The following ATXN2 variants were observed in gnomAD, a reference collection of about 807,000 sequenced individuals.
ATXN2 encodes ataxin-2.
Under a neutral mutation model 138.6 loss-of-function variants are expected in ATXN2, and 37 were observed. That is an observed-to-expected ratio of 0.27 (90% CI 0.21 to 0.35). ATXN2 has a LOEUF of 0.35. Among genes scored for constraint, ATXN2 ranks in the 10% least tolerant of loss-of-function variants. The pLI is 1.00. For synonymous variants in ATXN2, 549 were observed against 543.7 expected, an observed-to-expected ratio of 1.01 and a Z score of -0.13; for missense variants, 1,216 against 1,480.3, an observed-to-expected ratio of 0.82 and a Z score of 2.93.
intron 5 of ATXN2, among the ~76,000 whole-genome samples, chr12:111,531,885 C>T (rs74451561): frequency 6.6e-6 from 1 of 151,966 alleles, no homozygotes; most frequent in Non-Finnish European, 1.5e-5. Context: ...TACTTAAATT[C>T]GTAAAATACA....
chr12:111,517,867 A>G (rs1309173487), intron 9 of ATXN2, among the ~76,000 whole-genome samples: 1 of 152,164 alleles, frequency 6.6e-6, no homozygotes, highest in Non-Finnish European at 1.5e-5. Context: ...TGTTGCACAT[A>G]GGTTAGAATT....
At chr12:111,582,077 T>C (rs1049097287) in intron 1 of ATXN2, among the ~76,000 whole-genome samples, 2 of 152,118 alleles carry the variant, frequency 1.3e-5, no homozygotes, top group African/African-American at 2.4e-5. Context: ...CTCATGGCCT[T>C]AATTTCAATA....
chr12:111,471,665 T>C (rs1334256420), intron 18 of ATXN2: 3 of 152,106 alleles, frequency 2.0e-5, no homozygotes, highest in African/African-American at 7.2e-5. Context: ...TTGGGAGAGC[T>C]AGTTACATAT....
At chr12:111,492,465 C>A (rs748348009) in intron 14 of ATXN2, among the ~76,000 whole-genome samples, 17 of 152,118 alleles carry the variant, frequency 1.1e-4, no homozygotes, top group Admixed American at 3.9e-4. Context: ...GGACAGATCA[C>A]GAGGTTAGGA....
chr12:111,515,636 A>G (rs920409162), intron 10 of ATXN2, among the ~76,000 whole-genome samples: 1 of 152,256 alleles, frequency 6.6e-6, no homozygotes, highest in African/African-American at 2.4e-5. Context: ...AGTTAAATTT[A>G]GAATTCTTCT....
intron 21 of ATXN2, among the ~76,000 whole-genome samples, chr12:111,460,727 TTTAAG>T (rs780251157): frequency 6.6e-6 from 1 of 152,264 alleles, no homozygotes; most frequent in African/African-American, 2.4e-5. Context: ...AATCTCATAA[TTTAAG>T]TTATTCATCA....
rs1565998399 is a variant in ATXN2 at position 111,453,422 on chromosome 12, G to A, written c.3439+255C>T. On this transcript the variant is annotated intron_variant, in intron 24 of 24. Coordinates refer to ENST00000673436, the MANE Select transcript of ATXN2 (RefSeq NM_001372574.1). This position sits in a 1 kb window ranked among gnomAD's most constrained non-coding sequence, Gnocchi z 5.4. The stretch of plus-strand genomic sequence containing the variant: ...CCAACTGAGTCCTAGGCATGCATCA[G>A]GCTGCTGTTGCTGCTGCTGCTGCTT... 26 of 1,239,870 alleles carry A rather than the reference G, an allele frequency of 2.1e-5. No homozygotes were observed. The highest frequency in any genetic ancestry group is 4.2e-5 in the Admixed American group (1 of 23,946). The allele number at this position is 1,239,870 out of a possible 1,614,324, so 76.8% of individuals were successfully genotyped here.
intron 5 of ATXN2, among the ~76,000 whole-genome samples, chr12:111,538,875 T>A (rs1881339001): frequency 6.7e-6 from 1 of 150,054 alleles, no homozygotes. Flanking sequence ...TACATCAAAT[T>A]CTACAGCAAA....
chr12:111,579,159 A>G (rs1394402215), intron 1 of ATXN2, among the ~76,000 whole-genome samples: 1 of 152,228 alleles, frequency 6.6e-6, no homozygotes, highest in African/African-American at 2.4e-5. Flanking sequence ...GGAAAAATAA[A>G]CACTTGCCAC....
chr12:111,570,223 ATCTACC>A (rs1263231340), intron 1 of ATXN2, among the ~76,000 whole-genome samples: 1 of 152,038 alleles, frequency 6.6e-6, no homozygotes. Context: ...TCTCCCAACG[ATCTACC>A]CGTTGCTCAT....
At chr12:111,553,409 C>G (rs769970000) in intron 3 of ATXN2, among the ~76,000 whole-genome samples, 1 of 151,670 alleles carries the variant, frequency 6.6e-6, no homozygotes, top group Non-Finnish European at 1.5e-5. Context: ...TTGCATATAA[C>G]TAAGCACATT....
chr12:111,457,130 C>A, intron 22 of ATXN2, 84 bp downstream of exon 22: 2 of 1,489,480 alleles, frequency 1.3e-6, no homozygotes, highest in Non-Finnish European at 1.8e-6. Context: ...TGTGTTCTGA[C>A]GATGCGATAC....
chr12:111,558,788 C>T (rs183335371), intron 1 of ATXN2, among the ~76,000 whole-genome samples: 1 of 152,022 alleles, frequency 6.6e-6, no homozygotes, highest in South Asian at 2.1e-4. Context: ...CAGAGCAAAA[C>T]CCTGTCTCAA....
chr12:111,528,237 A>C (rs1047857720), intron 5 of ATXN2, among the ~76,000 whole-genome samples: 3 of 152,226 alleles, frequency 2.0e-5, no homozygotes, highest in Non-Finnish European at 4.4e-5. Flanking sequence ...TTTTTATAGA[A>C]CCATATAAAC....
chr12:111,467,589 C>G (rs1876114731), intron 20 of ATXN2, among the ~76,000 whole-genome samples: 1 of 152,132 alleles, frequency 6.6e-6, no homozygotes, highest in Non-Finnish European at 1.5e-5. Flanking sequence ...GTGTAAACTG[C>G]AGGAGAGTAG....
chr12:111,460,070 C>T (rs777107444), intron 21 of ATXN2, among the ~76,000 whole-genome samples: 1 of 152,020 alleles, frequency 6.6e-6, no homozygotes. Flanking sequence ...GTAGCTAATA[C>T]GGTGGACAGT....
chr12:111,540,302 A>G (rs1881426511), intron 5 of ATXN2, among the ~76,000 whole-genome samples: 1 of 150,676 alleles, frequency 6.6e-6, no homozygotes, highest in Non-Finnish European at 1.5e-5. Flanking sequence ...CAACCCTATC[A>G]GTAAACAGTC....
Position 111,551,887 on chromosome 12 carries a change from CT to C in ATXN2, c.571+392del, listed in dbSNP as rs571252871. ...GAAAGTAGATATTTCTTTTTTCTTTCTTTTTTTTTTTGAAACGGAGTCTTGC... is the reference window on the plus strand; with the variant it reads ...GAAAGTAGATATTTCTTTTTTCTTTCTTTTTTTTTTGAAACGGAGTCTTGC... On this transcript the variant is annotated intron_variant, in intron 5 of 24. Transcript: ENST00000673436. Among the ~76,000 whole-genome samples, 61 of 146,942 alleles carry C rather than the reference CT, an allele frequency of 4.2e-4. No individual in the cohort carries two copies. In the Middle Eastern group the frequency reaches 0.01, roughly 25 times the overall value.
chr12:111,476,024 T>C (rs1037098749), intron 18 of ATXN2, among the ~76,000 whole-genome samples: 1 of 152,220 alleles, frequency 6.6e-6, no homozygotes, highest in Non-Finnish European at 1.5e-5. Flanking sequence ...CAATCACAGC[T>C]CACTGCTGCT....
Sources: gnomAD v4.1 joint callset for allele counts (sites outside exome capture counted in the v4.1 genomes callset) on GRCh38, gnomAD v4.1.1 for gene constraint, Gnocchi (gnomAD v3.1) non-coding constraint, MANE v1.5 for transcripts, NCBI Gene and HGNC (gene_info 2026-07-23, HGNC 2026-07-21) for gene names.